Variants in PRKN observed in about 807,000 individuals in gnomAD.
The protein encoded by PRKN is parkin RBR E3 ubiquitin protein ligase.
A neutral mutation model predicts 59.5 loss-of-function variants in PRKN; 56 were observed. The observed-to-expected ratio is 0.94, with a 90% CI of 0.76 to 1.18. The LOEUF is 1.18. Ranked by LOEUF, PRKN falls within the 50% of genes most tolerant of loss-of-function variation. The pLI is 0.00. For synonymous variants in PRKN, 250 were observed against 222.1 expected, an observed-to-expected ratio of 1.13 and a Z score of -1.12; for missense variants, 657 against 596.4, an observed-to-expected ratio of 1.10 and a Z score of -1.06.
intron 1 of PRKN, among the ~76,000 whole-genome samples, chr6:162,581,977 C>CA (rs1780810196): frequency 6.6e-6 from 1 of 152,116 alleles, no homozygotes; most frequent in Non-Finnish European, 1.5e-5. Flanking sequence ...ACCTCTCTCA[C>CA]AAAGGGCTAT....
Position 162,008,780 on chromosome 6 carries a change from G to C in PRKN, c.619-35363C>G, listed in dbSNP as rs186669957. Among the ~76,000 whole-genome samples the C allele has an allele frequency of 2.8e-3, 426 of 152,204 alleles. 3 individuals carry two copies. Among genetic ancestry groups the C allele is most frequent in the Middle Eastern group, 0.017 (5 of 294 alleles). On this transcript the variant is annotated intron_variant, in intron 5 of 11. Transcript: ENST00000366898. Reference sequence around the variant, plus strand: ...TGAATTAGATCCTGGCATTAGAATAGGAATATTATTTATTTAGCCTTACAA... The same window carrying C: ...TGAATTAGATCCTGGCATTAGAATACGAATATTATTTATTTAGCCTTACAA...
rs34838356 is a variant in PRKN, at chr6:162,414,726, A to AAAAAAAAAAAAAAAAAAAAAAAAAAAAGT, written c.171+28583_171+28584insACTTTTTTTTTTTTTTTTTTTTTTTTTTT. On this transcript the variant is annotated intron_variant, in intron 2 of 11. Coordinates refer to ENST00000366898, the MANE Select transcript of PRKN (RefSeq NM_004562.3). ...ACTCCGTCTCAAAAAAAAAAAAAAA[A>AAAAAAAAAAAAAAAAAAAAAAAAAAAAGT]AGTGAATCTTTGAAGTTTTAAAATA... Among the ~76,000 whole-genome samples the AAAAAAAAAAAAAAAAAAAAAAAAAAAAGT allele has an allele frequency of 5.4e-5, 5 of 91,870 alleles. 2 individuals carry two copies. The highest frequency in any genetic ancestry group is 1.0e-4 in the Non-Finnish European group (5 of 47,960). 60.3% of individuals were successfully genotyped at this position (91,870 alleles called of 152,430 possible). A position where few individuals can be genotyped will look rare whatever the true frequency, so the allele number is the denominator to read the frequency against.
intron 6 of PRKN, among the ~76,000 whole-genome samples, chr6:161,919,557 T>A (rs1414102161): frequency 1.3e-5 from 2 of 152,236 alleles, no homozygotes; most frequent in African/African-American, 4.8e-5. Flanking sequence ...TTGCTCTAGA[T>A]GGTTAAAGGT....
chr6:161,765,208 G>A (rs764254254), intron 7 of PRKN, among the ~76,000 whole-genome samples: 46 of 152,100 alleles, frequency 3.0e-4, no homozygotes, highest in Admixed American at 2.9e-3. Context: ...ACTTGGGGAC[G>A]TGGATCATGA....
At chr6:161,913,690 T>C (rs1277892631) in intron 6 of PRKN, among the ~76,000 whole-genome samples, 9 of 152,210 alleles carry the variant, frequency 5.9e-5, no homozygotes, top group African/African-American at 1.2e-4. Flanking sequence ...AAACATGATA[T>C]ACTCAAGGAT....
At chr6:161,730,010 TTTCTGATGTGTTGCA>T (rs1347533547) in intron 7 of PRKN, among the ~76,000 whole-genome samples, 6 of 152,374 alleles carry the variant, frequency 3.9e-5, no homozygotes, top group African/African-American at 9.6e-5. Flanking sequence ...TGTTGCATTC[TTTCTGATGTGTTGCA>T]TTCTGATGTG....
Position 161,540,592 on chromosome 6 carries a change from A to G in PRKN, c.1083+8262T>C, listed in dbSNP as rs573688806. On this transcript the variant is annotated intron_variant, in intron 9 of 11. Transcript: ENST00000366898. ...CTAATGGCTCTGATTTTTGGGTATCACTTGCTCATTGTGACTAGCAGTATG... is the reference window on the plus strand; with the variant it reads ...CTAATGGCTCTGATTTTTGGGTATCGCTTGCTCATTGTGACTAGCAGTATG... Among the ~76,000 whole-genome samples the G allele has an allele frequency of 3.3e-5, 5 of 152,330 alleles. No homozygotes were observed. In the South Asian group the frequency reaches 1.0e-3, roughly 32 times the overall value.
intron 5 of PRKN, among the ~76,000 whole-genome samples, chr6:161,995,992 A>G (rs747000847): frequency 1.1e-4 from 16 of 152,256 alleles, no homozygotes; most frequent in African/African-American, 3.9e-4. Context: ...AAATTAAAAA[A>G]TCCCCAAAAT....
rs1194429697 is a variant in PRKN, at chr6:161,666,589, A to G, written c.872-97173T>C. 2.0e-5 allele frequency among the ~76,000 whole-genome samples: 3 copies of G among 152,242 alleles called. No homozygotes were observed. The East Asian group carries it at 5.8e-4, about 29-fold the overall frequency. ...ATTGATTTTAAGTAAGAAAAAAGCC[A>G]GTGAGTCATTGCAACAAATAAAAAC... On this transcript the variant is annotated intron_variant, in intron 7 of 11. Transcript: ENST00000366898.
intron 1 of PRKN, among the ~76,000 whole-genome samples, chr6:162,493,574 T>G (rs1792918302): frequency 6.6e-6 from 1 of 152,214 alleles, no homozygotes; most frequent in Non-Finnish European, 1.5e-5. Flanking sequence ...AGAAGAATAA[T>G]CAGCTTATAA....
intron 6 of PRKN, among the ~76,000 whole-genome samples, chr6:161,791,500 C>T (rs1790637911): frequency 6.6e-6 from 1 of 152,230 alleles, no homozygotes; most frequent in African/African-American, 2.4e-5. Flanking sequence ...CACACACTCT[C>T]TGGCAAAATC....
rs1554275154 is a variant in PRKN at position 161,550,738 on chromosome 6, C to CTGTGTGTGTGTGTGT, written c.934-1736_934-1735insACACACACACACACA. On this transcript the variant is annotated intron_variant, in intron 8 of 11. Coordinates refer to ENST00000366898, the MANE Select transcript of PRKN (RefSeq NM_004562.3). This position sits in a 1 kb window ranked among gnomAD's most constrained non-coding sequence, Gnocchi z 4.0. ...AAGAAAGGGTATGTGTGTGTGTGCACGTGTGTGTGTGTGTGTGTGTGTGTA... is the reference window on the plus strand; with the variant it reads ...AAGAAAGGGTATGTGTGTGTGTGCACTGTGTGTGTGTGTGTGTGTGTGTGTGTGTGTGTGTGTGTA... Among the ~76,000 whole-genome samples the CTGTGTGTGTGTGTGT allele has an allele frequency of 1.4e-4, 21 of 146,192 alleles. No homozygotes were observed. Among genetic ancestry groups the CTGTGTGTGTGTGTGT allele is most frequent in the African/African-American group, 4.4e-4 (17 of 38,626 alleles).
At chr6:162,409,598 C>T (rs1788251663) in intron 2 of PRKN, among the ~76,000 whole-genome samples, 1 of 152,174 alleles carries the variant, frequency 6.6e-6, no homozygotes, top group Non-Finnish European at 1.5e-5. Context: ...TGAGATTGAA[C>T]ATATCCTTTT....
chr6:161,897,736 C>A (rs898749504), intron 6 of PRKN, among the ~76,000 whole-genome samples: 3 of 151,080 alleles, frequency 2.0e-5, no homozygotes, highest in Non-Finnish European at 4.4e-5. Context: ...AATCCCAGCA[C>A]TTTGGGAGGC....
intron 6 of PRKN, among the ~76,000 whole-genome samples, chr6:161,851,416 C>A (rs62436140): frequency 0.052 from 7,954 of 151,976 alleles, 212 homozygotes; most frequent in Non-Finnish European, 0.066. Context: ...GAGAATAAGC[C>A]GATTACTATA....
At chr6:162,262,058 G>C (rs1779911596) in intron 3 of PRKN, among the ~76,000 whole-genome samples, 1 of 152,108 alleles carries the variant, frequency 6.6e-6, no homozygotes, top group African/African-American at 2.4e-5. Context: ...ATTTAGATTA[G>C]AGAATAAAAG....
At chr6:161,716,019 G>C in intron 7 of PRKN, 1 of 948,766 alleles carries the variant, frequency 1.1e-6, no homozygotes, top group Non-Finnish European at 1.5e-6. Flanking sequence ...AGCTCTTCTG[G>C]GGAATTGGAT....
At chr6:162,407,298 C>T (rs1228634276) in intron 2 of PRKN, among the ~76,000 whole-genome samples, 1 of 152,214 alleles carries the variant, frequency 6.6e-6, no homozygotes, top group Non-Finnish European at 1.5e-5. Context: ...CACCAGCAGA[C>T]CTCTGTTGCT....
At chr6:162,405,312 T>G (rs1788004270) in intron 2 of PRKN, among the ~76,000 whole-genome samples, 1 of 152,222 alleles carries the variant, frequency 6.6e-6, no homozygotes, top group Non-Finnish European at 1.5e-5. Flanking sequence ...CTATGTCCAG[T>G]CACAGAGACC....
Sources: allele counts gnomAD v4.1 joint callset (sites outside exome capture counted in the v4.1 genomes callset), GRCh38; gene constraint gnomAD v4.1.1; non-coding constraint Gnocchi (gnomAD v3.1); transcripts MANE v1.5; gene names NCBI Gene and HGNC (gene_info 2026-07-23, HGNC 2026-07-21).